The following KLHL9 variants were observed in gnomAD, a reference collection of about 807,000 sequenced individuals.
KLHL9 encodes kelch like family member 9.
KLHL9 carries 27 observed loss-of-function variants against 42.3 expected under a neutral mutation model. That is an observed-to-expected ratio of 0.64 (90% CI 0.47 to 0.88). The LOEUF (loss-of-function observed/expected upper bound fraction) is 0.88. KLHL9 is among the 40% of genes least tolerant of loss of function. KLHL9 has a pLI of 0.00. For missense variants in KLHL9, 629 were observed against 750.3 expected (o/e 0.84, Z 1.89); for synonymous variants, 274 against 254.4 (o/e 1.08, Z -0.73).
At position 21,335,266 on chromosome 9, in the gene KLHL9, C is replaced by T; in HGVS notation, c.-407G>A. On this transcript the variant is annotated 5_prime_UTR_variant, in exon 1 of 1. Coordinates refer to ENST00000359039, the MANE Select transcript of KLHL9 (RefSeq NM_018847.4). ...CGGCCCGCTGCGCCCTCCGCTGTACCTAGAGTGTCGCAGCGGCCACCGGCC... is the reference window on the plus strand; with the variant it reads ...CGGCCCGCTGCGCCCTCCGCTGTACTTAGAGTGTCGCAGCGGCCACCGGCC... 6.6e-6 allele frequency: 3 copies of T among 457,972 alleles called. No individual in the cohort carries two copies. The highest frequency in any genetic ancestry group is 1.2e-5 in the Non-Finnish European group (3 of 251,578). 28.4% of individuals were successfully genotyped at this position (457,972 alleles called of 1,614,324 possible). A position where few individuals can be genotyped will look rare whatever the true frequency, so the allele number is the denominator to read the frequency against.
At position 21,334,157 on chromosome 9, in the gene KLHL9, T is replaced by A. The variant is rs762476231; in HGVS notation, c.703A>T (p.Lys235Ter). 2.5e-6 allele frequency: 4 copies of A among 1,614,124 alleles called. No individual in the cohort carries two copies. The highest frequency in any genetic ancestry group is 2.5e-6 in the Non-Finnish European group (3 of 1,180,056). Residue 235 changes from lysine (K) to a stop codon, truncating the protein, a stop_gained, in exon 1 of 1, where the codon AAG becomes TAG. Coordinates refer to ENST00000359039, the MANE Select transcript of KLHL9 (RefSeq NM_018847.4). LOFTEE classifies it high-confidence loss of function. This position sits in a 1 kb window ranked among gnomAD's most constrained non-coding sequence, Gnocchi z 5.1. Reference sequence around the variant, plus strand: ...GGAAATCGAATATTCTTCATTAACTTTGCAGCATAATCCATCCGAGGGTCT... The same window carrying A: ...GGAAATCGAATATTCTTCATTAACTATGCAGCATAATCCATCCGAGGGTCT... ...LEDPRMDYAA[K>*]LMKNIRFPLM...
rs1390198442 is a variant in KLHL9 at position 21,334,023 on chromosome 9, C to T, written c.837G>A (p.Met279Ile). 2 of 1,614,072 alleles carry T rather than the reference C, an allele frequency of 1.2e-6. No homozygotes were observed. Among genetic ancestry groups the T allele is most frequent in the African/African-American group, 2.7e-5 (2 of 74,928 alleles). ...LLLEASNYQM[M>I]PYMQPVMQSD... ...ACTGCATCACTGGCTGCATATATGG[C>T]ATCATTTGGTAATTGCTAGCTTCCA... Residue 279 changes from methionine to isoleucine, a missense_variant, in exon 1 of 1, where the codon ATG becomes ATA. Met to Ile is a conservative substitution (Grantham distance 10). This residue lies in a region of KLHL9 where 351 missense variants were observed against 363.1 expected (regional missense o/e 0.97). Transcript: ENST00000359039. The surrounding 1 kb of genome is among the most constrained non-coding windows in gnomAD (Gnocchi z 5.1).
At position 21,332,803 on chromosome 9, in the gene KLHL9, T is replaced by C; in HGVS notation, c.*203A>G. ...ATCTAAACATTTTTCTACGTCTTTT[T>C]TTCATTTGTTAAAACAGCTATGTTA... On this transcript the variant is annotated 3_prime_UTR_variant, in exon 1 of 1. Coordinates refer to ENST00000359039, the MANE Select transcript of KLHL9 (RefSeq NM_018847.4). 1.4e-6 allele frequency: 1 copy of C among 732,404 alleles called. No homozygotes were observed. The highest frequency in any genetic ancestry group is 2.0e-6 in the Non-Finnish European group (1 of 489,982). The allele number at this position is 732,404 out of a possible 1,614,324, so 45.4% of individuals were successfully genotyped here.
At position 21,334,835 on chromosome 9, in the gene KLHL9, C is replaced by T; in HGVS notation, c.25G>A (p.Glu9Lys). 1 of 1,614,096 alleles carries T rather than the reference C, an allele frequency of 6.2e-7. No individual in the cohort carries two copies. Among genetic ancestry groups the T allele is most frequent in the Non-Finnish European group, 8.5e-7 (1 of 1,179,970 alleles). MKVSLGNG[E>K]MGVSAHLQPC... ...TGCAAATGGGCAGAGACGCCCATTT[C>T]GCCGTTACCAAGGGACACTTTCATG... is the stretch of plus-strand genomic sequence containing the variant. Residue 9 changes from glutamate to lysine, a missense_variant, in exon 1 of 1, where the codon GAA becomes AAA. Physicochemically the swap from Glu to Lys is moderately conservative, Grantham distance 56. This residue lies in a region of KLHL9 where 351 missense variants were observed against 363.1 expected (regional missense o/e 0.97). Transcript: ENST00000359039. The surrounding 1 kb of genome is among the most constrained non-coding windows in gnomAD (Gnocchi z 5.1).
rs1323239465 is a variant in KLHL9, at chr9:21,335,024, G to GA, written c.-166dup. 3 of 890,564 alleles carry GA rather than the reference G, an allele frequency of 3.4e-6. No homozygotes were observed. Among genetic ancestry groups the GA allele is most frequent in the East Asian group, 5.3e-5 (2 of 37,810 alleles). 55.2% of individuals were successfully genotyped at this position (890,564 alleles called of 1,614,324 possible). ...GGGCCACGCCAGTCAGTCATCCACT[G>GA]AAAATCACCCTGTAGCAGGACCACA... On this transcript the variant is annotated 5_prime_UTR_variant, in exon 1 of 1. Transcript: ENST00000359039.
rs1377196897 is a variant in KLHL9, at chr9:21,333,841, T to C, written c.1019A>G (p.His340Arg). 1.2e-6 allele frequency: 2 copies of C among 1,614,036 alleles called. No individual in the cohort carries two copies. The change falls in exon 1 of 1, where the codon CAT becomes CGT. Residue 340 changes from histidine (H) to arginine (R), a missense_variant. By Grantham distance (29) the His-to-Arg change is conservative (BLOSUM62 0). This residue lies in a region of KLHL9 where 214 missense variants were observed against 305.8 expected (regional missense o/e 0.70). Transcript: ENST00000359039. The surrounding 1 kb of genome is among the most constrained non-coding windows in gnomAD (Gnocchi z 7.5). ...AAAGTTTCCAATGACAGCAATACCA[T>C]GCTGGTAACGGGGAGCATCCATTGG... Reference protein sequence around the residue: ...LAPMDAPRYQHGIAVIGNFLY... With the variant: ...LAPMDAPRYQRGIAVIGNFLY...
Position 21,333,454 on chromosome 9 carries a change from T to A in KLHL9, c.1406A>T (p.Asp469Val), listed in dbSNP as rs556068145. The change falls in exon 1 of 1, where the codon GAT (aspartate) becomes GTT (valine). Residue 469 changes from aspartate (D) to valine (V), a missense_variant. Physicochemically the swap from Asp to Val is radical, Grantham distance 152. Transcript: ENST00000359039. The surrounding 1 kb of genome is among the most constrained non-coding windows in gnomAD (Gnocchi z 7.5). ...AGCCTTTTGCATCCATTTATCTGTATCTGGGTCAAAACACATGAGCTCATT... is the reference window on the plus strand; with the variant it reads ...AGCCTTTTGCATCCATTTATCTGTAACTGGGTCAAAACACATGAGCTCATT... ...FQNELMCFDP[D>V]TDKWMQKAPM... The A allele has an allele frequency of 1.9e-6, 3 of 1,614,230 alleles. No individual in the cohort carries two copies. Among genetic ancestry groups the A allele is most frequent in the Non-Finnish European group, 2.5e-6 (3 of 1,180,050 alleles).
chr9:21,333,438 C>G lies in KLHL9; in HGVS notation c.1422G>C (p.Met474Ile). The G allele has an allele frequency of 6.2e-7, 1 of 1,614,242 alleles. No individual in the cohort carries two copies. The highest frequency in any genetic ancestry group is 8.5e-7 in the Non-Finnish European group (1 of 1,180,034). ...TGACTGTAGTCATTGGAGCCTTTTG[C>G]ATCCATTTATCTGTATCTGGGTCAA... ...MCFDPDTDKW[M>I]QKAPMTTVRG... is the part of the protein sequence containing the mutation. Residue 474 changes from methionine to isoleucine, a missense_variant, in exon 1 of 1, where the codon ATG becomes ATC. Met to Ile is a conservative substitution (Grantham distance 10, BLOSUM62 1). Around this residue, in one of 4 missense-constraint regions of KLHL9, gnomAD observed 214 missense variants for 305.8 expected, o/e 0.70. Coordinates refer to ENST00000359039, the MANE Select transcript of KLHL9 (RefSeq NM_018847.4). This position sits in a 1 kb window ranked among gnomAD's most constrained non-coding sequence, Gnocchi z 7.5.
chr9:21,334,509 AAG>A lies in KLHL9; in HGVS notation c.349_350del (p.Leu117Ter). 1.2e-6 allele frequency: 2 copies of A among 1,614,134 alleles called. No individual in the cohort carries two copies. The highest frequency in any genetic ancestry group is 1.7e-6 in the Non-Finnish European group (2 of 1,180,010). ...GTGTGTCCTGAAGATTGTCCATATTAAGAGAAAGTTTTGCAGTATAAATAAAA... is the reference window on the plus strand; with the variant it reads ...GTGTGTCCTGAAGATTGTCCATATTAAGAAAGTTTTGCAGTATAAATAAAA... ...IDFIYTAKLS[L>X]NMDNLQDTLE... On this transcript the variant is annotated frameshift_variant, in exon 1 of 1. Coordinates refer to ENST00000359039, the MANE Select transcript of KLHL9 (RefSeq NM_018847.4). LOFTEE classifies it high-confidence loss of function. This position sits in a 1 kb window ranked among gnomAD's most constrained non-coding sequence, Gnocchi z 5.1.
In KLHL9 at chr9:21,334,270, C is replaced by T. The variant is rs765434324; in HGVS notation, c.590G>A (p.Arg197Gln). The change falls in exon 1 of 1, where the codon CGA becomes CAA. Residue 197 changes from arginine to glutamine, a missense_variant. By Grantham distance (43) the Arg-to-Gln change is conservative (BLOSUM62 1). Transcript: ENST00000359039. This position sits in a 1 kb window ranked among gnomAD's most constrained non-coding sequence, Gnocchi z 5.1. Reference sequence around the variant, plus strand: ...ATTACTGGAAAGCACAAATGCAAGTCGTTCAAAAGGGAGTTTTAGAAACTC... The same window carrying T: ...ATTACTGGAAAGCACAAATGCAAGTTGTTCAAAAGGGAGTTTTAGAAACTC... ...TGEFLKLPFERLAFVLSSNSL... is the reference protein window; with the variant it reads ...TGEFLKLPFEQLAFVLSSNSL... 1.2e-6 allele frequency: 2 copies of T among 1,614,078 alleles called. No homozygotes were observed. The highest frequency in any genetic ancestry group is 1.7e-5 in the Admixed American group (1 of 60,022).
Position 21,332,990 on chromosome 9 carries a change from G to A in KLHL9, c.*16C>T, listed in dbSNP as rs373813393. ...AGATCACCCATGACGTACTGCAAAG[G>A]TGTTACACCTTAGACCTAAGAATGA... On this transcript the variant is annotated 3_prime_UTR_variant, in exon 1 of 1. Coordinates refer to ENST00000359039, the MANE Select transcript of KLHL9 (RefSeq NM_018847.4). 6.2e-6 allele frequency: 10 copies of A among 1,613,876 alleles called. No homozygotes were observed. Among genetic ancestry groups the A allele is most frequent in the Admixed American group, 1.7e-5 (1 of 59,998 alleles).
rs746246604 is a variant in KLHL9 at position 21,334,700 on chromosome 9, G to A, written c.160C>T (p.Leu54=). The A allele has an allele frequency of 4.3e-6, 7 of 1,613,848 alleles. No homozygotes were observed. Among genetic ancestry groups the A allele is most frequent in the Non-Finnish European group, 5.9e-6 (7 of 1,179,902 alleles). Residue 54 remains leucine, a synonymous_variant, in exon 1 of 1, where the codon CTG becomes TTG. Transcript: ENST00000359039. This position sits in a 1 kb window ranked among gnomAD's most constrained non-coding sequence, Gnocchi z 5.1. The part of the protein sequence containing the change: ...RIEGLLCDVT[L]VPGDGDEIFP... ...ATTTCATCTCCATCACCTGGTACCAGGGTCACATCACAAAGCAATCCTTCT... is the reference window on the plus strand; with the variant it reads ...ATTTCATCTCCATCACCTGGTACCAAGGTCACATCACAAAGCAATCCTTCT...
Position 21,333,093 on chromosome 9 carries a change from G to C in KLHL9, c.1767C>G (p.Ala589=). ...DLPESLGGIR[A]CTLTVFPPEE... ...CAGGTGGAAAAACTGTGAGTGTACA[G>C]GCTCGAATGCCACCAAGTGACTCTG... The change falls in exon 1 of 1, where the codon GCC becomes GCG. Residue 589 remains alanine, a synonymous_variant. Transcript: ENST00000359039. The surrounding 1 kb of genome is among the most constrained non-coding windows in gnomAD (Gnocchi z 7.5). The C allele has an allele frequency of 6.2e-7, 1 of 1,614,168 alleles. No individual in the cohort carries two copies. Among genetic ancestry groups the C allele is most frequent in the Non-Finnish European group, 8.5e-7 (1 of 1,180,024 alleles).
rs970499307 is a variant in KLHL9, at chr9:21,334,768, G to A, written c.92C>T (p.Thr31Ile). 6.2e-7 allele frequency: 1 copy of A among 1,612,586 alleles called. No homozygotes were observed. Among genetic ancestry groups the A allele is most frequent in the Non-Finnish European group, 8.5e-7 (1 of 1,179,280 alleles). Reference sequence around the variant, plus strand: ...GCCTTGCAATACCACCGAACTGTGAGTATTGCTGGTAAAAAAGCGTGTGGT... The same window carrying A: ...GCCTTGCAATACCACCGAACTGTGAATATTGCTGGTAAAAAAGCGTGTGGT... ...AGTTRFFTSN[T>I]HSSVVLQGFD... The change falls in exon 1 of 1, where the codon ACT becomes ATT. Residue 31 changes from threonine (T) to isoleucine (I), a missense_variant. Thr to Ile is a moderately conservative substitution (Grantham distance 89). Around this residue, in one of 4 missense-constraint regions of KLHL9, gnomAD observed 351 missense variants for 363.1 expected, o/e 0.97. Transcript: ENST00000359039. This position sits in a 1 kb window ranked among gnomAD's most constrained non-coding sequence, Gnocchi z 5.1.
At position 21,334,473 on chromosome 9, in the gene KLHL9, A is replaced by C. The variant is rs938879831; in HGVS notation, c.387T>G (p.Ala129=). ...AAACGGGTAATATTTGTAAAAAGCT[A>C]GCAGCTTCAAGTGTGTCCTGAAGAT... ...MDNLQDTLEA[A]SFLQILPVLD... is the part of the protein sequence containing the mutation. The change falls in exon 1 of 1, where the codon GCT becomes GCG. Residue 129 remains alanine (A), a synonymous_variant. Transcript: ENST00000359039. The surrounding 1 kb of genome is among the most constrained non-coding windows in gnomAD (Gnocchi z 5.1). 7 of 1,613,804 alleles carry C rather than the reference A, an allele frequency of 4.3e-6. No homozygotes were observed. Among genetic ancestry groups the C allele is most frequent in the Admixed American group, 3.3e-5 (2 of 60,004 alleles).
At position 21,332,957 on chromosome 9, in the gene KLHL9, G is replaced by C. The variant is rs114075268; in HGVS notation, c.*49C>G. Reference sequence around the variant, plus strand: ...ACTGTAAGAAGATACAACTGAAGGGGAAGTATTAGATCACCCATGACGTAC... The same window carrying C: ...ACTGTAAGAAGATACAACTGAAGGGCAAGTATTAGATCACCCATGACGTAC... On this transcript the variant is annotated 3_prime_UTR_variant, in exon 1 of 1. Transcript: ENST00000359039. 2,982 of 1,612,466 alleles carry C rather than the reference G, an allele frequency of 1.8e-3. 36 individuals carry two copies. In the African/African-American group the frequency reaches 0.03, roughly 16 times the overall value.
Position 21,335,399 on chromosome 9 carries a change from G to T in KLHL9, c.-540C>A, listed in dbSNP as rs1180108478. 4 of 304,674 alleles carry T rather than the reference G, an allele frequency of 1.3e-5. No individual in the cohort carries two copies. The highest frequency in any genetic ancestry group is 5.6e-5 in the East Asian group (1 of 17,920). The allele number at this position is 304,674 out of a possible 1,614,324, so 18.9% of individuals were successfully genotyped here. A position where few individuals can be genotyped will look rare whatever the true frequency, so the allele number is the denominator to read the frequency against. On this transcript the variant is annotated 5_prime_UTR_variant, in exon 1 of 1. Coordinates refer to ENST00000359039, the MANE Select transcript of KLHL9 (RefSeq NM_018847.4). ...TCCTTCCGGAAAAGCCTAGTCCCAG[G>T]ATACCACGGGGTGGGAGCGGCCTTA...
Position 21,333,529 on chromosome 9 carries a change from T to C in KLHL9, c.1331A>G (p.Tyr444Cys), listed in dbSNP as rs1168060109. ...EPHYGHAGTV[Y>C]GGLMYISGGI... Reference sequence around the variant, plus strand: ...TCCTGAAATATACATTAAGCCTCCATATACTGTTCCAGCATGACCATAGTG... The same window carrying C: ...TCCTGAAATATACATTAAGCCTCCACATACTGTTCCAGCATGACCATAGTG... The change falls in exon 1 of 1, where the codon TAT (tyrosine) becomes TGT (cysteine). Residue 444 changes from tyrosine (Y) to cysteine (C), a missense_variant. Physicochemically the swap from Tyr to Cys is radical, Grantham distance 194. Around this residue, in one of 4 missense-constraint regions of KLHL9, gnomAD observed 214 missense variants for 305.8 expected, o/e 0.70. Transcript: ENST00000359039. This position sits in a 1 kb window ranked among gnomAD's most constrained non-coding sequence, Gnocchi z 7.5. 1 of 1,614,196 alleles carries C rather than the reference T, an allele frequency of 6.2e-7. No homozygotes were observed. The highest frequency in any genetic ancestry group is 2.2e-5 in the East Asian group (1 of 44,882).
In KLHL9 at chr9:21,335,139, G is replaced by T; in HGVS notation, c.-280C>A. 1.9e-6 allele frequency: 1 copy of T among 536,388 alleles called. No homozygotes were observed. 33.2% of individuals were successfully genotyped at this position (536,388 alleles called of 1,614,324 possible). A position where few individuals can be genotyped will look rare whatever the true frequency, so the allele number is the denominator to read the frequency against. The stretch of plus-strand genomic sequence containing the variant: ...ACCTGGTTCACCTCGTCCGGCCTGC[G>T]CTGCCGCTCCTTCAGCAGTTCCGCT... On this transcript the variant is annotated 5_prime_UTR_variant, in exon 1 of 1. Coordinates refer to ENST00000359039, the MANE Select transcript of KLHL9 (RefSeq NM_018847.4).
Sources: gnomAD v4.1 joint callset for allele counts on GRCh38, gnomAD v4.1.1 for gene constraint, gnomAD v4.1.1 regional missense constraint, Gnocchi (gnomAD v3.1) non-coding constraint, MANE v1.5 for transcripts, NCBI Gene and HGNC (gene_info 2026-07-23, HGNC 2026-07-21) for gene names.